Variants in PAN3 observed in about 807,000 individuals in gnomAD.
The protein encoded by PAN3 is poly(A) specific ribonuclease subunit PAN3, also known as PAN2-PAN3 deadenylation complex subunit PAN3.
PAN3 carries 19 observed loss-of-function variants against 96.2 expected under a neutral mutation model. The ratio of observed to expected loss-of-function variants is 0.20; its 90% CI spans 0.14 to 0.29. PAN3 has a LOEUF of 0.29. Among genes scored for constraint, PAN3 ranks in the 10% least tolerant of loss-of-function variants. The pLI is 1.00. For synonymous variants in PAN3, 433 were observed against 406.6 expected (o/e 1.06, Z -0.78); for missense variants, 882 against 1,108.1 (o/e 0.80, Z 2.90).
At chr13:28,176,669 GAAA>G in intron 3 of PAN3, 110 bp downstream of exon 3, 1 of 1,085,910 alleles carries the variant, frequency 9.2e-7, no homozygotes, top group Non-Finnish European at 1.4e-6. Context: ...GCATAAAGAA[GAAA>G]ATAAAAATTA....
At chr13:28,289,158 A>G (rs1271851149) in intron 18 of PAN3, among the ~76,000 whole-genome samples, 4 of 152,244 alleles carry the variant, frequency 2.6e-5, no homozygotes, top group Non-Finnish European at 5.9e-5. Context: ...GTAGTAAATA[A>G]TAAAAGCACA....
intron 17 of PAN3, 119 bp downstream of exon 17, chr13:28,281,498 T>G: frequency 1.1e-6 from 1 of 917,360 alleles, no homozygotes; most frequent in South Asian, 1.6e-5. Context: ...GAAGTGACCT[T>G]AAGATTGTGT....
At chr13:28,194,544 C>G (rs927501341) in intron 4 of PAN3, among the ~76,000 whole-genome samples, 2 of 145,818 alleles carry the variant, frequency 1.4e-5, no homozygotes, top group Admixed American at 1.4e-4. Flanking sequence ...GATCTCGGCT[C>G]AATGCAACCT....
intron 1 of PAN3, among the ~76,000 whole-genome samples, chr13:28,156,449 T>G (rs1435355961): frequency 1.3e-5 from 2 of 152,116 alleles, no homozygotes; most frequent in African/African-American, 4.8e-5. Context: ...CAGGACCAAA[T>G]GGATTCAAAG....
intron 8 of PAN3, among the ~76,000 whole-genome samples, chr13:28,260,887 A>G (rs949949199): frequency 5.3e-5 from 8 of 152,240 alleles, no homozygotes; most frequent in African/African-American, 1.7e-4. Context: ...TAGGTTAAAA[A>G]TAAGTAGTTT....
At chr13:28,191,532 C>T (rs1483869235) in intron 4 of PAN3, among the ~76,000 whole-genome samples, 1 of 152,036 alleles carries the variant, frequency 6.6e-6, no homozygotes, top group Non-Finnish European at 1.5e-5. Context: ...CACAAGACAG[C>T]CCCCCACAAG....
rs76016549 is a variant in PAN3 at position 28,264,658 on chromosome 13, C to G, written c.1412-2057C>G. On this transcript the variant is annotated intron_variant, in intron 9 of 18. Coordinates refer to ENST00000380958, the MANE Select transcript of PAN3 (RefSeq NM_175854.8). The stretch of plus-strand genomic sequence containing the variant: ...AATTTACTAGCAACCCCATAGCAAA[C>G]GAGTGCCTACTATCCTTGGGAATTG... 9.2e-4 allele frequency among the ~76,000 whole-genome samples: 140 copies of G among 152,268 alleles called. 3 individuals are homozygous for G. In the East Asian group the frequency reaches 0.026, roughly 28 times the overall value.
intron 1 of PAN3, among the ~76,000 whole-genome samples, chr13:28,163,458 G>A (rs969484514): frequency 6.6e-6 from 1 of 152,082 alleles, no homozygotes; most frequent in African/African-American, 2.4e-5. Context: ...AACATACTAG[G>A]CACTTTACAT....
At chr13:28,242,273 G>A (rs546846321) in intron 6 of PAN3, among the ~76,000 whole-genome samples, 39 of 152,200 alleles carry the variant, frequency 2.6e-4, no homozygotes, top group African/African-American at 9.2e-4. Flanking sequence ...TTCCGTGATG[G>A]CCTTTGTCAG....
In PAN3 at chr13:28,288,748, G is replaced by A. The variant is rs1305078260; in HGVS notation, c.2523+626G>A. On this transcript the variant is annotated intron_variant, in intron 18 of 18. Transcript: ENST00000380958. The stretch of plus-strand genomic sequence containing the variant: ...TGGTAAAAAGCAAAAAAATAATTTT[G>A]TGTTTATTTTTTAAAAATTGAACCC... Among the ~76,000 whole-genome samples, 4 of 151,244 alleles carry A rather than the reference G, an allele frequency of 2.6e-5. No individual in the cohort carries two copies. In the South Asian group the frequency reaches 8.4e-4, roughly 32 times the overall value.
rs35542876 is a variant in PAN3 at position 28,280,555 on chromosome 13, ATTTTTTTT to A, written c.2319+31_2319+38del. The A allele has an allele frequency of 8.7e-6, 10 of 1,150,204 alleles. No homozygotes were observed. Among genetic ancestry groups the A allele is most frequent in the African/African-American group, 8.6e-5 (4 of 46,592 alleles). 71.2% of individuals were successfully genotyped at this position (1,150,204 alleles called of 1,614,324 possible). ...GACCTTGCAAAGGTAAAGAGTGTAA[ATTTTTTTT>A]TTTTTTTTTTTTTTTTGAGACAGAG... On this transcript the variant is annotated intron_variant, in intron 16 of 18. Coordinates refer to ENST00000380958, the MANE Select transcript of PAN3 (RefSeq NM_175854.8).
intron 7 of PAN3, among the ~76,000 whole-genome samples, chr13:28,256,750 G>C (rs1260936573): frequency 6.6e-6 from 1 of 152,150 alleles, no homozygotes; most frequent in Non-Finnish European, 1.5e-5. Context: ...GACTAAACTG[G>C]TTTAATCAGA....
chr13:28,260,560 T>G lies in PAN3; in HGVS notation c.1353+9T>G. 6.3e-7 allele frequency: 1 copy of G among 1,590,682 alleles called. No homozygotes were observed. The highest frequency in any genetic ancestry group is 1.1e-5 in the South Asian group (1 of 90,588). ...CTGATGAACTCCGACAGGTATGCTT[T>G]CAGAATTCATAGTAGGAATACTTAA... On this transcript the variant is annotated intron_variant, in intron 8 of 18. Coordinates refer to ENST00000380958, the MANE Select transcript of PAN3 (RefSeq NM_175854.8).
At chr13:28,266,099 A>G (rs1379662975) in intron 9 of PAN3, among the ~76,000 whole-genome samples, 3 of 152,008 alleles carry the variant, frequency 2.0e-5, no homozygotes, top group Admixed American at 6.6e-5. Flanking sequence ...AAACATGTAT[A>G]TTATAAAACA....
At chr13:28,176,902 T>A in intron 3 of PAN3, among the ~76,000 whole-genome samples, 1 of 152,076 alleles carries the variant, frequency 6.6e-6, no homozygotes, top group Non-Finnish European at 1.5e-5. Context: ...CATGCTATTT[T>A]ATTAACATCT....
At position 28,191,094 on chromosome 13, in the gene PAN3, C is replaced by T. The variant is rs535502872; in HGVS notation, c.691-6091C>T. On this transcript the variant is annotated intron_variant, in intron 4 of 18. Transcript: ENST00000380958. Reference sequence around the variant, plus strand: ...TGGTCTAGGTAAGGATTTCTAGAAGCTCGGAAGGGAAGAGGAGTTGGTGCT... The same window carrying T: ...TGGTCTAGGTAAGGATTTCTAGAAGTTCGGAAGGGAAGAGGAGTTGGTGCT... Among the ~76,000 whole-genome samples, 18 of 152,296 alleles carry T rather than the reference C, an allele frequency of 1.2e-4. 1 individual carries two copies. The South Asian group carries it at 3.7e-3, about 32-fold the overall frequency.
intron 4 of PAN3, among the ~76,000 whole-genome samples, chr13:28,180,654 ATAAT>A (rs1412235124): frequency 1.3e-5 from 2 of 152,232 alleles, no homozygotes; most frequent in African/African-American, 4.8e-5. Flanking sequence ...AGGAGAACAA[ATAAT>A]TAAACTATGC....
rs552276254 is a variant in PAN3, at chr13:28,275,044, A to G, written c.2050-2193A>G. Among the ~76,000 whole-genome samples, 19 of 152,314 alleles carry G rather than the reference A, an allele frequency of 1.2e-4. No individual in the cohort carries two copies. The South Asian group carries it at 3.3e-3, about 27-fold the overall frequency. ...GAAACTGAAAATCAGTTGGGGGGCA[A>G]ATCTCCTGAATTCAACAAATGGGGG... On this transcript the variant is annotated intron_variant, in intron 14 of 18. Coordinates refer to ENST00000380958, the MANE Select transcript of PAN3 (RefSeq NM_175854.8).
At chr13:28,241,972 T>A (rs1435480428) in intron 6 of PAN3, among the ~76,000 whole-genome samples, 1 of 151,546 alleles carries the variant, frequency 6.6e-6, no homozygotes, top group Non-Finnish European at 1.5e-5. Flanking sequence ...CATGACAATT[T>A]ATTATTGAGG....
Sources: gnomAD v4.1 joint callset for allele counts (sites outside exome capture counted in the v4.1 genomes callset) on GRCh38, gnomAD v4.1.1 for gene constraint, MANE v1.5 for transcripts, NCBI Gene and HGNC (gene_info 2026-07-23, HGNC 2026-07-21) for gene names.